The following NCAN variants were observed in gnomAD, a reference collection of about 807,000 sequenced individuals.
NCAN encodes neurocan.
Under a neutral mutation model 121.8 loss-of-function variants are expected in NCAN, and 47 were observed. That is an observed-to-expected ratio of 0.39 (90% confidence interval 0.31 to 0.49). The LOEUF is 0.49. Ranked by LOEUF, NCAN falls within the 20% of genes least tolerant of loss-of-function variation. The probability of loss-of-function intolerance (pLI) is 0.92; values close to 1 mark genes in which losing one functional copy is unlikely to be tolerated. For synonymous variants in NCAN, 633 were observed against 702.0 expected (o/e 0.90, Z 1.55); for missense variants, 1,517 against 1,773.4 (o/e 0.86, Z 2.60).
Position 19,226,629 on chromosome 19 carries a change from G to T in NCAN, c.1216G>T (p.Glu406Ter), listed in dbSNP as rs1299248771. Reference sequence around the variant, plus strand: ...AGAGGTGGTCACCCCTGACTTCCAGGAGCCTCTGGTGTCCAGTGGGGAAGA... The same window carrying T: ...AGAGGTGGTCACCCCTGACTTCCAGTAGCCTCTGGTGTCCAGTGGGGAAGA... ...EEEVVTPDFQ[E>*]PLVSSGEEET... Residue 406 changes from glutamate (E) to a stop codon, truncating the protein, a stop_gained, in exon 7 of 15, where the codon GAG becomes TAG. Transcript: ENST00000252575. LOFTEE classifies it high-confidence loss of function. 1 of 1,613,936 alleles carries T rather than the reference G, an allele frequency of 6.2e-7. No homozygotes were observed. The highest frequency in any genetic ancestry group is 8.5e-7 in the Non-Finnish European group (1 of 1,179,998).
chr19:19,239,402 T>TC (rs1394775213), intron 11 of NCAN, among the ~76,000 whole-genome samples: 94 of 72,460 alleles, frequency 1.3e-3, no homozygotes, highest in South Asian at 5.9e-3. Flanking sequence ...CTCCCACTCC[T>TC]CCCCCTCCTC....
chr19:19,226,458 A>G (rs758343312), intron 6 of NCAN, 28 bp from the exon 7 acceptor site: 2 of 1,528,112 alleles, frequency 1.3e-6, no homozygotes, highest in South Asian at 2.5e-5. Context: ...CCTGGGCCTA[A>G]CACAACCTCT....
At position 19,227,374 on chromosome 19, in the gene NCAN, T is replaced by A. The variant is rs1318119376; in HGVS notation, c.1754T>A (p.Leu585Gln). ...TCAGGCCACAGCAGGGCCCCTGTCC[T>A]GGAGCTAGAGAAAGCCGAGGGCCCC... Reference protein sequence around the residue: ...SISGHSRAPVLELEKAEGPSA... With the variant: ...SISGHSRAPVQELEKAEGPSA... Residue 585 changes from leucine (L) to glutamine (Q), a missense_variant, in exon 8 of 15, where the codon CTG (leucine) becomes CAG (glutamine). Coordinates refer to ENST00000252575, the MANE Select transcript of NCAN (RefSeq NM_004386.3). The surrounding 1 kb of genome is among the most constrained non-coding windows in gnomAD (Gnocchi z 4.2). 7.4e-6 allele frequency: 12 copies of A among 1,613,578 alleles called. No individual in the cohort carries two copies. The highest frequency in any genetic ancestry group is 9.3e-6 in the Non-Finnish European group (11 of 1,179,932).
chr19:19,229,241 G>A (rs969805107), intron 8 of NCAN, among the ~76,000 whole-genome samples: 7 of 152,084 alleles, frequency 4.6e-5, no homozygotes, highest in East Asian at 1.9e-4. Flanking sequence ...TGGGAGTGGC[G>A]AGGCATTGAG....
chr19:19,215,734 CA>C (rs1429010023), intron 1 of NCAN, among the ~76,000 whole-genome samples: 4 of 152,182 alleles, frequency 2.6e-5, no homozygotes, highest in Non-Finnish European at 5.9e-5. Context: ...TGTCAGCCAG[CA>C]AACCCAGATT....
chr19:19,241,171 G>T (rs886324554), intron 12 of NCAN, among the ~76,000 whole-genome samples: 1 of 151,942 alleles, frequency 6.6e-6, no homozygotes, highest in African/African-American at 2.4e-5. Context: ...CGTGAGAATC[G>T]CTTGAACCTG....
In NCAN at chr19:19,212,839, G is replaced by A. The variant is rs2060780248; in HGVS notation, c.-8+775G>A. 6.6e-6 allele frequency among the ~76,000 whole-genome samples: 1 copy of A among 152,178 alleles called. No homozygotes were observed. The highest frequency in any genetic ancestry group is 6.5e-5 in the Admixed American group (1 of 15,284). ...TCCCCAGGACCTGTGAGGGATACCA[G>A]CTCAGAGGGGGGGCTGTCCCCCAGC... On this transcript the variant is annotated intron_variant, in intron 1 of 14. Transcript: ENST00000252575. This position sits in a 1 kb window ranked among gnomAD's most constrained non-coding sequence, Gnocchi z 4.5.
At chr19:19,235,350 A>AC (rs1028860803) in intron 10 of NCAN, among the ~76,000 whole-genome samples, 16 of 151,702 alleles carry the variant, frequency 1.1e-4, no homozygotes, top group Non-Finnish European at 5.9e-5. Context: ...GCTCACTGCA[A>AC]CCCCCACCTC....
intron 8 of NCAN, among the ~76,000 whole-genome samples, chr19:19,230,703 T>G (rs2146546163): frequency 6.7e-6 from 1 of 150,320 alleles, no homozygotes; most frequent in African/African-American, 2.4e-5. Flanking sequence ...CTGGGCTGTG[T>G]TGGGGTGGGA....
chr19:19,225,237 C>A lies in NCAN; in HGVS notation c.1039C>A (p.Pro347Thr), dbSNP rs1313978446. 2 of 1,564,454 alleles carry A rather than the reference C, an allele frequency of 1.3e-6. No homozygotes were observed. The highest frequency in any genetic ancestry group is 2.5e-5 in the East Asian group (1 of 40,600). The change falls in exon 6 of 15, where the codon CCC becomes ACC. Residue 347 changes from proline to threonine, a missense_variant. Coordinates refer to ENST00000252575, the MANE Select transcript of NCAN (RefSeq NM_004386.3). The surrounding 1 kb of genome is among the most constrained non-coding windows in gnomAD (Gnocchi z 4.0). ...CGCTAACCGGACCGGCTTCCCCTCACCCGCCGAGCGCTTCGACGCCTACTG... is the reference window on the plus strand; with the variant it reads ...CGCTAACCGGACCGGCTTCCCCTCAACCGCCGAGCGCTTCGACGCCTACTG... ...RFANRTGFPSPAERFDAYCFR... is the reference protein window; with the variant it reads ...RFANRTGFPSTAERFDAYCFR...
At chr19:19,245,864 T>A (rs2060922655) in intron 13 of NCAN, among the ~76,000 whole-genome samples, 1 of 151,962 alleles carries the variant, frequency 6.6e-6, no homozygotes, top group Non-Finnish European at 1.5e-5. Flanking sequence ...GGGCTAGGGT[T>A]TGGGAGAAGG....
At chr19:19,237,898 G>T (rs1227169312) in intron 10 of NCAN, among the ~76,000 whole-genome samples, 1 of 152,084 alleles carries the variant, frequency 6.6e-6, no homozygotes, top group Non-Finnish European at 1.5e-5. Context: ...ACAAAATTAG[G>T]TGGGCGTGGT....
At chr19:19,246,860 T>C (rs2060926234) in intron 13 of NCAN, among the ~76,000 whole-genome samples, 1 of 152,144 alleles carries the variant, frequency 6.6e-6, no homozygotes, top group Non-Finnish European at 1.5e-5. Flanking sequence ...TGTTTATATG[T>C]TGACAGCCTG....
intron 12 of NCAN, 122 bp from the exon 13 acceptor site, chr19:19,245,191 T>C: frequency 8.1e-7 from 1 of 1,239,276 alleles, no homozygotes; most frequent in South Asian, 1.5e-5. Context: ...ATTGTAGAGA[T>C]GGGAACACTG....
intron 10 of NCAN, 28 bp from the exon 11 acceptor site, chr19:19,238,225 C>T: frequency 6.2e-7 from 1 of 1,613,536 alleles, no homozygotes; most frequent in East Asian, 2.2e-5. Flanking sequence ...AGGCCAGCCC[C>T]CCCTCACGCT....
rs146321693 is a variant in NCAN at position 19,228,160 on chromosome 19, G to A, written c.2540G>A (p.Gly847Glu). ...PSDASGIWEPGSQVFEEAEST... is the reference protein window; with the variant it reads ...PSDASGIWEPESQVFEEAEST... ...GATGCTAGTGGAATTTGGGAACCTG[G>A]ATCCCAGGTGTTTGAAGAAGCCGAA... The change falls in exon 8 of 15, where the codon GGA becomes GAA. Residue 847 changes from glycine to glutamate, a missense_variant. By Grantham distance (98) the Gly-to-Glu change is moderately conservative. Coordinates refer to ENST00000252575, the MANE Select transcript of NCAN (RefSeq NM_004386.3). The A allele has an allele frequency of 6.2e-7, 1 of 1,613,818 alleles. No individual in the cohort carries two copies. The highest frequency in any genetic ancestry group is 2.2e-5 in the East Asian group (1 of 44,880).
At position 19,218,303 on chromosome 19, in the gene NCAN, A is replaced by G. The variant is rs144859409; in HGVS notation, c.74-612A>G. 2.2e-4 allele frequency among the ~76,000 whole-genome samples: 34 copies of G among 151,648 alleles called. No homozygotes were observed. The East Asian group carries it at 6.6e-3, about 30-fold the overall frequency. ...AAAAGTATAAATAAATAAAAGAATA[A>G]TAATAATAAGGGGCTGGGCACAGTG... is the stretch of plus-strand genomic sequence containing the variant. On this transcript the variant is annotated intron_variant, in intron 2 of 14. Coordinates refer to ENST00000252575, the MANE Select transcript of NCAN (RefSeq NM_004386.3).
At chr19:19,230,475 C>G (rs1295753330) in intron 8 of NCAN, among the ~76,000 whole-genome samples, 1 of 142,710 alleles carries the variant, frequency 7.0e-6, no homozygotes, top group African/African-American at 2.6e-5. Context: ...AAGATCGTGG[C>G]TCACTGCAGC....
chr19:19,222,972 G>A (rs1159007529), intron 3 of NCAN, among the ~76,000 whole-genome samples: 1 of 152,008 alleles, frequency 6.6e-6, no homozygotes, highest in Non-Finnish European at 1.5e-5. Context: ...AGCTGGGCGT[G>A]ATGGCAGGCG....
Sources: allele counts gnomAD v4.1 joint callset (sites outside exome capture counted in the v4.1 genomes callset), GRCh38; gene constraint gnomAD v4.1.1; non-coding constraint Gnocchi (gnomAD v3.1); transcripts MANE v1.5; gene names NCBI Gene and HGNC (gene_info 2026-07-23, HGNC 2026-07-21).